RBM26: variants seen among roughly 807,000 people sequenced by gnomAD.
RBM26 encodes the protein RNA binding motif protein 26.
A neutral mutation model predicts 123.6 loss-of-function variants in RBM26; 30 were observed. That is an observed-to-expected ratio of 0.24 (90% CI 0.18 to 0.33). RBM26 has a LOEUF of 0.33. RBM26 is among the 10% of genes least tolerant of loss of function. The probability of loss-of-function intolerance (pLI) is 1.00; values close to 1 mark genes in which losing one functional copy is unlikely to be tolerated. For missense variants in RBM26, 947 were observed against 1,203.6 expected (o/e 0.79, Z 3.15); for synonymous variants, 400 against 404.4 (o/e 0.99, Z 0.13).
At chr13:79,365,136 A>G (rs1220444012) in intron 9 of RBM26, among the ~76,000 whole-genome samples, 1 of 152,170 alleles carries the variant, frequency 6.6e-6, no homozygotes, top group Admixed American at 6.6e-5. Context: ...CGAAGGATAC[A>G]GGGAACAAAC....
At chr13:79,391,992 C>CATA (rs1418039557) in intron 1 of RBM26, among the ~76,000 whole-genome samples, 9 of 108,290 alleles carry the variant, frequency 8.3e-5, no homozygotes, top group South Asian at 2.8e-4. Flanking sequence ...TTATGCAATA[C>CATA]ATTATTATAT....
Position 79,355,339 on chromosome 13 carries a change from T to A in RBM26, c.1735A>T (p.Thr579Ser). 7 of 1,613,866 alleles carry A rather than the reference T, an allele frequency of 4.3e-6. No homozygotes were observed. Among genetic ancestry groups the A allele is most frequent in the Non-Finnish European group, 5.1e-6 (6 of 1,179,812 alleles). Residue 579 changes from threonine (T) to serine (S), a missense_variant, in exon 12 of 22, where the codon ACA becomes TCA. Thr to Ser is a moderately conservative substitution (Grantham distance 58). This residue lies in a region of RBM26 where 493 missense variants were observed against 563.1 expected (regional missense o/e 0.88). Coordinates refer to ENST00000438737, the MANE Select transcript of RBM26 (RefSeq NM_001366735.2). The stretch of plus-strand genomic sequence containing the variant: ...ATTGCTTTCTTTGCTTCTTCGTATG[T>A]TGCAAATTGGATTAGGGCACCTTCA... ...DPEGALIQFA[T>S]YEEAKKAISS...
At chr13:79,382,602 T>A (rs888779760) in intron 1 of RBM26, among the ~76,000 whole-genome samples, 2 of 151,936 alleles carry the variant, frequency 1.3e-5, no homozygotes, top group Admixed American at 1.3e-4. Context: ...AACTACAAAA[T>A]AAGGCATGAG....
intron 20 of RBM26, among the ~76,000 whole-genome samples, 155 bp from the exon 21 acceptor site, chr13:79,322,617 CTAT>C (rs1414736835): frequency 3.3e-5 from 5 of 151,530 alleles, no homozygotes; most frequent in Admixed American, 1.3e-4. Flanking sequence ...ATTCAATTTA[CTAT>C]TATTATAATT....
rs551424784 is a variant in RBM26 at position 79,363,851 on chromosome 13, A to G, written c.1417+1727T>C. Reference sequence around the variant, plus strand: ...TTACAGCTCCAAAGCAGCAAGGTAGAAAGAAATGACTTTAGTGGGAATCCC... The same window carrying G: ...TTACAGCTCCAAAGCAGCAAGGTAGGAAGAAATGACTTTAGTGGGAATCCC... On this transcript the variant is annotated intron_variant, in intron 9 of 21. Coordinates refer to ENST00000438737, the MANE Select transcript of RBM26 (RefSeq NM_001366735.2). Among the ~76,000 whole-genome samples the G allele has an allele frequency of 2.4e-3, 372 of 152,304 alleles. 1 individual carries two copies. The highest frequency in any genetic ancestry group is 4.0e-3 in the Non-Finnish European group (270 of 68,008).
chr13:79,369,855 A>G (rs985063752), intron 5 of RBM26, among the ~76,000 whole-genome samples: 1 of 152,238 alleles, frequency 6.6e-6, no homozygotes, highest in Non-Finnish European at 1.5e-5. Context: ...TAATCAAGAT[A>G]TAACACCTCT....
intron 1 of RBM26, among the ~76,000 whole-genome samples, chr13:79,396,912 T>C (rs1228203781): frequency 2.0e-5 from 3 of 152,176 alleles, no homozygotes; most frequent in African/African-American, 4.8e-5. Flanking sequence ...CCAGGCACAA[T>C]GGCTCATGCC....
chr13:79,383,944 A>G (rs920245971), intron 1 of RBM26, among the ~76,000 whole-genome samples: 6 of 152,208 alleles, frequency 3.9e-5, no homozygotes, highest in African/African-American at 1.4e-4. Flanking sequence ...CTATCCGGAA[A>G]AGAAAAAATT....
At chr13:79,321,111 G>GATTTAT (rs1038314697) in intron 21 of RBM26, among the ~76,000 whole-genome samples, 1 of 151,184 alleles carries the variant, frequency 6.6e-6, no homozygotes, top group Non-Finnish European at 1.5e-5. Flanking sequence ...ATTCTACCAA[G>GATTTAT]ATTTATATTT....
At position 79,322,362 on chromosome 13, in the gene RBM26, G is replaced by C. The variant is rs1430797281; in HGVS notation, c.2921C>G (p.Pro974Arg). 1 of 1,569,694 alleles carries C rather than the reference G, an allele frequency of 6.4e-7. No homozygotes were observed. The highest frequency in any genetic ancestry group is 8.6e-7 in the Non-Finnish European group (1 of 1,159,280). The part of the protein sequence containing the change: ...ISAVETEEVE[P>R]DEEEFQEESL... ...AAAATAACATACTTCTTCTTCATCA[G>C]GCTCAACTTCTTCTGTTTCAACAGC... The change falls in exon 21 of 22, where the codon CCT (proline) becomes CGT (arginine). Residue 974 changes from proline (P) to arginine (R), a missense_variant. Pro to Arg is a moderately radical substitution (Grantham distance 103, BLOSUM62 -2). Transcript: ENST00000438737.
At position 79,341,239 on chromosome 13, in the gene RBM26, TAATTAATATTTTAGGTGACAG is replaced by T; in HGVS notation, c.2428-33_2428-13del. The T allele has an allele frequency of 1.3e-6, 2 of 1,550,718 alleles. No individual in the cohort carries two copies. The highest frequency in any genetic ancestry group is 1.8e-6 in the Non-Finnish European group (2 of 1,127,430). On this transcript the variant is annotated splice_polypyrimidine_tract_variant and intron_variant, in intron 17 of 21. Transcript: ENST00000438737. ...AATTCCTTCTGCATCTAAAAAATAG[TAATTAATATTTTAGGTGACAG>T]TAATTACTATCCTGTATTGATACAA...
intron 9 of RBM26, among the ~76,000 whole-genome samples, chr13:79,360,022 T>C (rs1314219190): frequency 6.6e-6 from 1 of 152,080 alleles, no homozygotes; most frequent in East Asian, 1.9e-4. Context: ...TCTCATCATG[T>C]AGGCATTTTA....
At position 79,366,872 on chromosome 13, in the gene RBM26, T is replaced by C; in HGVS notation, c.896A>G (p.Glu299Gly). Residue 299 changes from glutamate to glycine, a missense_variant and splice_region_variant, in exon 7 of 22, where the codon GAA becomes GGA. Glu to Gly is a moderately conservative substitution (Grantham distance 98). Transcript: ENST00000438737. ...MPKKRCRDYD[E>G]KGFCMRGDMC... is the part of the protein sequence containing the mutation. Reference sequence around the variant, plus strand: ...GTCTCCTCTCATACAAAAACCCTTTTCTATGAGGAAGGAATAGTTAGAAAC... The same window carrying C: ...GTCTCCTCTCATACAAAAACCCTTTCCTATGAGGAAGGAATAGTTAGAAAC... The C allele has an allele frequency of 6.3e-7, 1 of 1,593,668 alleles. No homozygotes were observed. The highest frequency in any genetic ancestry group is 8.6e-7 in the Non-Finnish European group (1 of 1,167,148).
chr13:79,347,317 A>G (rs974569926), intron 14 of RBM26, among the ~76,000 whole-genome samples: 1 of 152,216 alleles, frequency 6.6e-6, no homozygotes, highest in Non-Finnish European at 1.5e-5. Context: ...GCTGCCAATC[A>G]TAACCTGTGT....
intron 1 of RBM26, among the ~76,000 whole-genome samples, chr13:79,392,508 ATTAG>A (rs1429695805): frequency 6.8e-6 from 1 of 146,660 alleles, no homozygotes; most frequent in African/African-American, 2.5e-5. Flanking sequence ...ATTCTAATAT[ATTAG>A]TTATATAATT....
chr13:79,316,201 G>A (rs1180302036), downstream of RBM26, among the ~76,000 whole-genome samples: 2 of 141,452 alleles, frequency 1.4e-5, no homozygotes, highest in Non-Finnish European at 3.1e-5. Context: ...AGGTGTGTGT[G>A]TGTGTGTGTG....
chr13:79,372,063 G>A (rs948156859), intron 3 of RBM26, 133 bp from the exon 4 acceptor site: 5 of 612,260 alleles, frequency 8.2e-6, no homozygotes, highest in Admixed American at 5.9e-5. Context: ...GGTGGTTCAC[G>A]AAGTCGGAAG....
At chr13:79,376,430 C>A (rs2076676498) in intron 3 of RBM26, 1 of 152,244 alleles carries the variant, frequency 6.6e-6, no homozygotes, top group African/African-American at 2.4e-5. Context: ...AACTCCTGGG[C>A]TCAAGTGAGC....
chr13:79,352,892 C>G (rs1005971022), intron 14 of RBM26, among the ~76,000 whole-genome samples: 2 of 151,584 alleles, frequency 1.3e-5, no homozygotes, highest in Admixed American at 6.6e-5. Flanking sequence ...CTAAAGAAAA[C>G]AAAGTAAATA....
Sources: allele counts gnomAD v4.1 joint callset (sites outside exome capture counted in the v4.1 genomes callset), GRCh38; gene constraint gnomAD v4.1.1; regional missense constraint gnomAD v4.1.1; transcripts MANE v1.5; gene names NCBI Gene and HGNC (gene_info 2026-07-23, HGNC 2026-07-21).